Variants in NCALD observed in about 807,000 individuals in gnomAD.
NCALD encodes neurocalcin delta.
A neutral mutation model predicts 18.6 loss-of-function variants in NCALD; 10 were observed. That is an observed-to-expected ratio of 0.54 (90% CI 0.33 to 0.91). The LOEUF (loss-of-function observed/expected upper bound fraction) is 0.91. Ranked by LOEUF, NCALD falls within the 40% of genes least tolerant of loss-of-function variation. NCALD has a pLI of 0.03. For missense variants in NCALD, 184 were observed against 247.6 expected (o/e 0.74, Z 1.72); for synonymous variants, 88 against 87.4 (o/e 1.01, Z -0.04).
chr8:101,891,411 A>T (rs1474837746), intron 3 of NCALD, among the ~76,000 whole-genome samples: 1 of 152,220 alleles, frequency 6.6e-6, no homozygotes, highest in African/African-American at 2.4e-5. Flanking sequence ...ATGTCCTTTA[A>T]ATTCATCTAA....
At chr8:102,080,114 C>G (rs16869053) in intron 1 of NCALD, among the ~76,000 whole-genome samples, 13,448 of 152,092 alleles carry the variant, frequency 0.088, 1,580 homozygotes, top group African/African-American at 0.27. Flanking sequence ...AAAAAAAATC[C>G]GCCCAAGGAA....
At chr8:102,057,174 T>C (rs1823680246) in intron 1 of NCALD, among the ~76,000 whole-genome samples, 1 of 152,192 alleles carries the variant, frequency 6.6e-6, no homozygotes, top group South Asian at 2.1e-4. Context: ...ATTTCTCTAC[T>C]CTTCGTGCTC....
intron 2 of NCALD, chr8:101,693,780 T>C (rs1423207558): frequency 6.6e-6 from 1 of 152,300 alleles, no homozygotes; most frequent in African/African-American, 2.4e-5. Flanking sequence ...GCCACATGTT[T>C]CCCCAGGCAG....
At chr8:101,830,627 G>C (rs984114405) in intron 4 of NCALD, among the ~76,000 whole-genome samples, 3 of 152,062 alleles carry the variant, frequency 2.0e-5, no homozygotes, top group Admixed American at 6.5e-5. Flanking sequence ...CTCACATTAT[G>C]GCTGACGAAG....
intron 4 of NCALD, among the ~76,000 whole-genome samples, chr8:101,804,488 AT>A (rs1813002651): frequency 8.3e-6 from 1 of 121,038 alleles, no homozygotes; most frequent in African/African-American, 4.0e-5. Flanking sequence ...TATATAATAT[AT>A]AATTAATATA....
At chr8:101,958,923 AAAGT>A (rs1271321329) in intron 2 of NCALD, among the ~76,000 whole-genome samples, 1 of 152,240 alleles carries the variant, frequency 6.6e-6, no homozygotes. Flanking sequence ...GAGCCGTTTG[AAAGT>A]AAGTTGCTGG....
intron 3 of NCALD, among the ~76,000 whole-genome samples, chr8:101,890,453 T>A (rs1002857304): frequency 1.3e-5 from 2 of 152,126 alleles, no homozygotes; most frequent in Non-Finnish European, 2.9e-5. Flanking sequence ...CCTCTAAAAT[T>A]TATATGAAAA....
At chr8:101,752,213 A>G (rs1810688576) in intron 1 of NCALD, among the ~76,000 whole-genome samples, 1 of 152,190 alleles carries the variant, frequency 6.6e-6, no homozygotes, top group South Asian at 2.1e-4. Flanking sequence ...GCTATAATTC[A>G]GTGAAGTTGA....
At chr8:101,806,932 G>A (rs1005330339) in intron 4 of NCALD, among the ~76,000 whole-genome samples, 2 of 151,830 alleles carry the variant, frequency 1.3e-5, no homozygotes, top group Non-Finnish European at 2.9e-5. Context: ...CTCATTACAT[G>A]TAAGGAAACC....
At chr8:102,081,947 T>C in intron 1 of NCALD, among the ~76,000 whole-genome samples, 1 of 152,146 alleles carries the variant, frequency 6.6e-6, no homozygotes, top group Non-Finnish European at 1.5e-5. Context: ...CCCAACCTAC[T>C]GCTTTGCCTC....
At chr8:101,795,819 A>G (rs1288949038), upstream of NCALD, among the ~76,000 whole-genome samples, 2 of 152,258 alleles carry the variant, frequency 1.3e-5, no homozygotes, top group Non-Finnish European at 2.9e-5. Flanking sequence ...AATGCATTCA[A>G]GACTTGAGGG....
At chr8:102,103,827 G>A (rs1355383239) in intron 1 of NCALD, among the ~76,000 whole-genome samples, 2 of 152,178 alleles carry the variant, frequency 1.3e-5, no homozygotes, top group Non-Finnish European at 2.9e-5. Flanking sequence ...AAACATTTTG[G>A]CATATGAGGG....
At chr8:102,027,948 G>T (rs769323033) in intron 1 of NCALD, among the ~76,000 whole-genome samples, 1 of 152,084 alleles carries the variant, frequency 6.6e-6, no homozygotes, top group Non-Finnish European at 1.5e-5. Flanking sequence ...GGGGGTAATT[G>T]CCCCCATGAT....
intron 1 of NCALD, among the ~76,000 whole-genome samples, chr8:102,034,580 T>C (rs1822795656): frequency 6.6e-6 from 1 of 152,188 alleles, no homozygotes; most frequent in African/African-American, 2.4e-5. Context: ...TCAGAATAAC[T>C]CACCAATTGG....
At chr8:102,105,806 C>T (rs546401129) in intron 1 of NCALD, among the ~76,000 whole-genome samples, 1 of 152,052 alleles carries the variant, frequency 6.6e-6, no homozygotes, top group African/African-American at 2.4e-5. Context: ...CTGCTGGGTG[C>T]GACTCCTGAC....
chr8:101,908,733 GGA>G (rs1436173938), intron 3 of NCALD, among the ~76,000 whole-genome samples: 1 of 152,130 alleles, frequency 6.6e-6, no homozygotes, highest in African/African-American at 2.4e-5. Flanking sequence ...GTCCAATGGA[GGA>G]GAGAGACTTA....
At chr8:102,028,105 C>G (rs1285325835) in intron 1 of NCALD, among the ~76,000 whole-genome samples, 1 of 152,174 alleles carries the variant, frequency 6.6e-6, no homozygotes, top group African/African-American at 2.4e-5. Flanking sequence ...AATAATGATA[C>G]TGTTTACACA....
chr8:101,762,372 A>G (rs1340842227), intron 1 of NCALD, among the ~76,000 whole-genome samples: 3 of 152,224 alleles, frequency 2.0e-5, no homozygotes, highest in African/African-American at 7.2e-5. Flanking sequence ...TATAAAGGAA[A>G]TCTCCAAAAT....
chr8:101,950,343 T>C (rs926638613), intron 2 of NCALD: 5 of 151,762 alleles, frequency 3.3e-5, no homozygotes, highest in African/African-American at 4.8e-5. Context: ...GCTCAGGAAT[T>C]AGCAGGACCA....
Sources: allele counts gnomAD v4.1 joint callset (sites outside exome capture counted in the v4.1 genomes callset), GRCh38; gene constraint gnomAD v4.1.1; transcripts MANE v1.5; gene names NCBI Gene and HGNC (gene_info 2026-07-23, HGNC 2026-07-21).